Variants in LIPC observed in about 807,000 individuals in gnomAD.
LIPC encodes the protein hepatic triacylglycerol lipase.
Under a neutral mutation model 50.7 loss-of-function variants are expected in LIPC, and 44 were observed. The observed-to-expected ratio is 0.87, with a 90% CI of 0.68 to 1.11. The LOEUF (loss-of-function observed/expected upper bound fraction) is 1.11, where lower values mean the gene tolerates loss of function less well. Ranked by LOEUF, LIPC falls within the 50% of genes most tolerant of loss-of-function variation. The pLI, the probability that LIPC is intolerant of heterozygous loss-of-function variation, is 0.00. For synonymous variants in LIPC, 271 were observed against 256.4 expected (o/e 1.06, Z -0.54); for missense variants, 697 against 648.2 (o/e 1.08, Z -0.82).
At chr15:58,526,176 C>T (rs1360257911) in intron 1 of LIPC, among the ~76,000 whole-genome samples, 3 of 152,224 alleles carry the variant, frequency 2.0e-5, no homozygotes, top group Non-Finnish European at 2.9e-5. Flanking sequence ...CTGGGAATGG[C>T]ACCCAGGAGT....
intron 1 of LIPC, among the ~76,000 whole-genome samples, chr15:58,470,809 G>A (rs540832448): frequency 2.0e-5 from 3 of 152,180 alleles, no homozygotes; most frequent in Admixed American, 1.3e-4. Context: ...TCTATTAGCA[G>A]CCAGGATGGT....
chr15:58,444,594 G>A (rs1262086740), intron 1 of LIPC, among the ~76,000 whole-genome samples: 5 of 152,112 alleles, frequency 3.3e-5, no homozygotes, highest in African/African-American at 4.8e-5. Context: ...TCTTCTGATG[G>A]CTGCGTCTCT....
At chr15:58,513,050 A>AT (rs1429605100) in intron 1 of LIPC, among the ~76,000 whole-genome samples, 1 of 152,146 alleles carries the variant, frequency 6.6e-6, no homozygotes, top group Non-Finnish European at 1.5e-5. Context: ...TGGATGTTTC[A>AT]TCCCAAAGGA....
At chr15:58,509,354 G>T (rs374007421) in intron 1 of LIPC, among the ~76,000 whole-genome samples, 1 of 152,186 alleles carries the variant, frequency 6.6e-6, no homozygotes. Flanking sequence ...AGCATAGAAT[G>T]GTTGGAAAAG....
At chr15:58,556,175 C>T (rs1400646001) in intron 6 of LIPC, among the ~76,000 whole-genome samples, 1 of 152,174 alleles carries the variant, frequency 6.6e-6, no homozygotes, top group Non-Finnish European at 1.5e-5. Context: ...CAAATGGGAG[C>T]TATTTTATCA....
intron 3 of LIPC, 93 bp downstream of exon 3, chr15:58,542,060 A>G: frequency 7.4e-7 from 1 of 1,356,094 alleles, no homozygotes. Flanking sequence ...ACAGCAGCCC[A>G]GGCAGGAGAA....
intron 1 of LIPC, among the ~76,000 whole-genome samples, chr15:58,459,346 T>C (rs2140701785): frequency 6.6e-6 from 1 of 152,202 alleles, no homozygotes; most frequent in South Asian, 2.1e-4. Flanking sequence ...ACATTGTAGT[T>C]CTGTCCTTTG....
chr15:58,488,251 T>C (rs558911943), intron 1 of LIPC, among the ~76,000 whole-genome samples: 36 of 152,292 alleles, frequency 2.4e-4, no homozygotes, highest in African/African-American at 7.9e-4. Flanking sequence ...GCCTGGGCAA[T>C]GGAGACTCCA....
intron 1 of LIPC, 102 bp from the exon 2 acceptor site, chr15:58,538,231 A>G (rs1893200969): frequency 2.7e-6 from 3 of 1,114,816 alleles, no homozygotes; most frequent in Admixed American, 1.7e-5. Context: ...ATCTCCCAGT[A>G]ACCTCTTTGG....
chr15:58,534,185 A>C (rs1169453082), intron 1 of LIPC, among the ~76,000 whole-genome samples: 1 of 152,210 alleles, frequency 6.6e-6, no homozygotes, highest in Non-Finnish European at 1.5e-5. Flanking sequence ...GGCCTTGCTG[A>C]GTCTGTAGTG....
At chr15:58,499,525 C>T (rs1013408340) in intron 1 of LIPC, among the ~76,000 whole-genome samples, 1 of 152,200 alleles carries the variant, frequency 6.6e-6, no homozygotes, top group Non-Finnish European at 1.5e-5. Context: ...CCAATAGTCT[C>T]CTCTATCTCT....
intron 1 of LIPC, among the ~76,000 whole-genome samples, chr15:58,468,970 G>A (rs1245124029): frequency 1.3e-5 from 2 of 152,180 alleles, no homozygotes; most frequent in Admixed American, 6.5e-5. Flanking sequence ...TTTGCTTAAT[G>A]TACCTAAGCT....
chr15:58,519,599 T>C (rs1239302342), intron 1 of LIPC, among the ~76,000 whole-genome samples: 1 of 152,206 alleles, frequency 6.6e-6, no homozygotes, highest in African/African-American at 2.4e-5. Context: ...TTTCTCTGTC[T>C]TCTTCAGTTC....
At chr15:58,513,661 T>A (rs1892399640) in intron 1 of LIPC, among the ~76,000 whole-genome samples, 1 of 152,170 alleles carries the variant, frequency 6.6e-6, no homozygotes, top group Non-Finnish European at 1.5e-5. Flanking sequence ...CTACTTAAAC[T>A]TTTAGCACGT....
At position 58,487,081 on chromosome 15, in the gene LIPC, C is replaced by CTTT. The variant is rs1355095644; in HGVS notation, c.89-51251_89-51250insTTT. On this transcript the variant is annotated intron_variant, in intron 1 of 8. Coordinates refer to ENST00000299022, the MANE Select transcript of LIPC (RefSeq NM_000236.3). ...ACTTATTTTTCATGCAACCTGGTCCCTAAACTTAAGAAAATGCCTTTATCT... is the reference window on the plus strand; with the variant it reads ...ACTTATTTTTCATGCAACCTGGTCCCTTTTAAACTTAAGAAAATGCCTTTATCT... Among the ~76,000 whole-genome samples, 8 of 152,232 alleles carry CTTT rather than the reference C, an allele frequency of 5.3e-5. No individual in the cohort carries two copies. The South Asian group carries it at 1.7e-3, about 32-fold the overall frequency.
intron 1 of LIPC, among the ~76,000 whole-genome samples, chr15:58,512,999 C>G (rs1162648154): frequency 1.3e-5 from 2 of 151,330 alleles, no homozygotes; most frequent in African/African-American, 4.9e-5. Flanking sequence ...GAAAAGGAGA[C>G]ACAGAGGAAT....
chr15:58,494,178 C>A (rs1219311402), intron 1 of LIPC, among the ~76,000 whole-genome samples: 8 of 152,188 alleles, frequency 5.3e-5, no homozygotes, highest in African/African-American at 1.9e-4. Context: ...GAGAGAGAAT[C>A]CCCAGAGAGA....
intron 1 of LIPC, among the ~76,000 whole-genome samples, chr15:58,515,019 C>T (rs192840941): frequency 6.6e-6 from 1 of 152,280 alleles, no homozygotes; most frequent in Admixed American, 6.5e-5. Flanking sequence ...CCTTTTTCAG[C>T]TTCTAGAGGC....
chr15:58,469,102 TTGTGTGTGTGTGTGTGTG>T (rs56309142), intron 1 of LIPC, among the ~76,000 whole-genome samples: 47 of 140,718 alleles, frequency 3.3e-4, no homozygotes, highest in Non-Finnish European at 4.9e-4. Context: ...AGGGAACATT[TTGTGTGTGTGTGTGTGTG>T]TGTGTGTGTG....
Sources: gnomAD v4.1 joint callset for allele counts (sites outside exome capture counted in the v4.1 genomes callset) on GRCh38, gnomAD v4.1.1 for gene constraint, MANE v1.5 for transcripts, NCBI Gene and HGNC (gene_info 2026-07-23, HGNC 2026-07-21) for gene names.